The following PRKX variants were observed in gnomAD, a reference collection of about 807,000 sequenced individuals.
PRKX encodes protein kinase cAMP-dependent X-linked catalytic subunit.
A neutral mutation model predicts 22.0 loss-of-function variants in PRKX; 12 were observed. The observed-to-expected ratio is 0.54, with a 90% CI of 0.35 to 0.88. The LOEUF is 0.88. PRKX is among the 40% of genes least tolerant of loss of function. PRKX has a pLI of 0.01. For synonymous variants in PRKX, 134 were observed against 137.7 expected, an observed-to-expected ratio of 0.97 and a Z score of 0.19; for missense variants, 217 against 308.0, an observed-to-expected ratio of 0.70 and a Z score of 2.21.
At chrX:3,689,720 G>A (rs931028941) in intron 1 of PRKX, among the ~76,000 whole-genome samples, 9 of 111,674 alleles carry the variant, frequency 8.1e-5, no homozygotes, top group African/African-American at 2.0e-4. Flanking sequence ...GCTCACACCT[G>A]TAATCCCAAC....
Position 3,655,448 on chromosome X carries a change from C to T in PRKX, c.336-36G>A, listed in dbSNP as rs747726708. On this transcript the variant is annotated intron_variant, in intron 2 of 8. Coordinates refer to ENST00000262848, the MANE Select transcript of PRKX (RefSeq NM_005044.5). ...AGACAGCACATGCTCAGGGCCCCGCCAAGGCAGGGCAGGGGGTACGCCGTC... is the reference window on the plus strand; with the variant it reads ...AGACAGCACATGCTCAGGGCCCCGCTAAGGCAGGGCAGGGGGTACGCCGTC... The T allele has an allele frequency of 8.3e-6, 10 of 1,206,919 alleles. No individual in the cohort carries two copies. The South Asian group carries it at 1.6e-4, about 19-fold the overall frequency.
Position 3,654,109 on chromosome X carries a change from G to A in PRKX, c.599+1040C>T, listed in dbSNP as rs771976042. 1.9e-4 allele frequency among the ~76,000 whole-genome samples: 16 copies of A among 84,404 alleles called. No individual in the cohort carries two copies. The South Asian group carries it at 5.1e-3, about 27-fold the overall frequency. The allele number at this position is 84,404 out of a possible 115,157, so 73.3% of individuals were successfully genotyped here. A position where few individuals can be genotyped will look rare whatever the true frequency, so the allele number is the denominator to read the frequency against. Reference sequence around the variant, plus strand: ...ATGTAGTATGTGTAATATATAATACGTATAATATATACTATATAGAGTATA... The same window carrying A: ...ATGTAGTATGTGTAATATATAATACATATAATATATACTATATAGAGTATA... On this transcript the variant is annotated intron_variant, in intron 3 of 8. Transcript: ENST00000262848.
chrX:3,684,983 A>G (rs1443695608), intron 1 of PRKX, among the ~76,000 whole-genome samples: 3 of 110,666 alleles, frequency 2.7e-5, no homozygotes, highest in Non-Finnish European at 5.7e-5. Flanking sequence ...CAGCCAGCTA[A>G]TTTTTGTATT....
intron 4 of PRKX, among the ~76,000 whole-genome samples, chrX:3,628,858 T>C (rs771853109): frequency 9.0e-6 from 1 of 111,228 alleles, no homozygotes; most frequent in Non-Finnish European, 1.9e-5. Context: ...CTGGCCAACA[T>C]GGTGAAACCC....
intron 8 of PRKX, among the ~76,000 whole-genome samples, chrX:3,611,529 C>G (rs1441851646): frequency 3.6e-5 from 4 of 111,713 alleles, no homozygotes; most frequent in Non-Finnish European, 7.5e-5. Context: ...TTAATCCATA[C>G]TTAAAAACTA....
At chrX:3,658,668 G>A (rs2146585981) in intron 2 of PRKX, among the ~76,000 whole-genome samples, 1 of 110,903 alleles carries the variant, frequency 9.0e-6, no homozygotes, top group East Asian at 2.8e-4. Flanking sequence ...ACCAGTAGAA[G>A]ACACCCAATA....
intron 5 of PRKX, among the ~76,000 whole-genome samples, chrX:3,625,658 G>A (rs1022426853): frequency 9.1e-6 from 1 of 110,475 alleles, no homozygotes; most frequent in Non-Finnish European, 1.9e-5. Flanking sequence ...TGCAACCTCC[G>A]CCTCCTGGGT....
intron 1 of PRKX, among the ~76,000 whole-genome samples, chrX:3,693,955 A>AAAAAG (rs1160395945): frequency 9.3e-5 from 10 of 107,807 alleles, no homozygotes; most frequent in African/African-American, 1.7e-4. Flanking sequence ...AAAAAAAAAA[A>AAAAAG]AAAAGAAAAG....
chrX:3,618,122 C>T (rs28804522), intron 6 of PRKX, among the ~76,000 whole-genome samples: 11,782 of 106,761 alleles, frequency 0.11, 633 homozygotes, highest in Middle Eastern at 0.2. Context: ...TACAGTCTGA[C>T]CTCACTTACA....
chrX:3,638,727 T>A (rs1460193678), intron 4 of PRKX, among the ~76,000 whole-genome samples: 1 of 110,376 alleles, frequency 9.1e-6, no homozygotes, highest in Non-Finnish European at 1.9e-5. Context: ...GAGGGATAGG[T>A]AGGTAAGTAG....
intron 1 of PRKX, among the ~76,000 whole-genome samples, chrX:3,688,183 C>T (rs1481962588): frequency 2.2e-4 from 24 of 109,086 alleles, no homozygotes; most frequent in Non-Finnish European, 1.1e-4. Flanking sequence ...CGCTGGCTCA[C>T]GCCTGTAATC....
chrX:3,657,015 A>G (rs1217040433), intron 2 of PRKX, among the ~76,000 whole-genome samples: 1 of 111,371 alleles, frequency 9.0e-6, no homozygotes, highest in Non-Finnish European at 1.9e-5. Context: ...CAGCGGCTTC[A>G]CCCTCACGAT....
At chrX:3,675,174 G>C (rs1273729413) in intron 1 of PRKX, among the ~76,000 whole-genome samples, 1 of 111,301 alleles carries the variant, frequency 9.0e-6, no homozygotes, top group East Asian at 2.8e-4. Flanking sequence ...TTCTCTTCAG[G>C]CTCTCTGGTT....
chrX:3,655,625 G>A (rs1488168511), intron 2 of PRKX, among the ~76,000 whole-genome samples: 2 of 112,593 alleles, frequency 1.8e-5, no homozygotes, highest in Non-Finnish European at 3.8e-5. Flanking sequence ...ATAGGTGTTC[G>A]AATGCACGTA....
intron 4 of PRKX, among the ~76,000 whole-genome samples, chrX:3,634,835 G>A (rs188528239): frequency 1.1e-3 from 122 of 111,375 alleles, no homozygotes; most frequent in African/African-American, 3.6e-3. Flanking sequence ...GACCCTGGGC[G>A]TGTACCATCA....
chrX:3,665,254 T>G (rs1927700934), intron 2 of PRKX, among the ~76,000 whole-genome samples: 1 of 111,306 alleles, frequency 9.0e-6, no homozygotes, highest in South Asian at 3.8e-4. Context: ...TGTGAAATAG[T>G]TACCTGGCAA....
At position 3,606,595 on chromosome X, in the gene PRKX, G is replaced by C. The variant is rs975451139; in HGVS notation, c.*2374C>G. On this transcript the variant is annotated 3_prime_UTR_variant, in exon 9 of 9. Coordinates refer to ENST00000262848, the MANE Select transcript of PRKX (RefSeq NM_005044.5). ...TTGCCATGTTGGCCAGGCTGGTCTC[G>C]AACTCCTGACCTCAGGTGATCCACC... The C allele has an allele frequency of 2.7e-5, 3 of 111,623 alleles. No individual in the cohort carries two copies. Among genetic ancestry groups the C allele is most frequent in the Non-Finnish European group, 5.6e-5 (3 of 53,122 alleles). 9.2% of individuals were successfully genotyped at this position (111,623 alleles called of 1,213,427 possible).
chrX:3,640,297 T>C (rs1927050373), intron 4 of PRKX, among the ~76,000 whole-genome samples: 1 of 110,840 alleles, frequency 9.0e-6, no homozygotes, highest in African/African-American at 3.3e-5. Context: ...TCCTCTCGTC[T>C]TCATCCCAGA....
At chrX:3,654,319 CAAT>C (rs1297792600) in intron 3 of PRKX, among the ~76,000 whole-genome samples, 11 of 96,164 alleles carry the variant, frequency 1.1e-4, no homozygotes, top group African/African-American at 4.2e-4. Context: ...ATGTTATATA[CAAT>C]AATATAGTAT....
Sources: gnomAD v4.1 joint callset for allele counts (sites outside exome capture counted in the v4.1 genomes callset) on GRCh38, gnomAD v4.1.1 for gene constraint, MANE v1.5 for transcripts, NCBI Gene and HGNC (gene_info 2026-07-23, HGNC 2026-07-21) for gene names.